The following FADS1 variants were observed in gnomAD, a reference collection of about 807,000 sequenced individuals.
The protein encoded by FADS1 is acyl-CoA (8-3)-desaturase.
In FADS1, 17 loss-of-function variants were observed where a neutral mutation model predicts 61.6. The ratio of observed to expected loss-of-function variants is 0.28; its 90% CI spans 0.19 to 0.41. The LOEUF (loss-of-function observed/expected upper bound fraction) is 0.41, where lower values mean the gene tolerates loss of function less well. Ranked by LOEUF, FADS1 falls within the 10% of genes least tolerant of loss-of-function variation. The pLI is 1.00. For synonymous variants in FADS1, 238 were observed against 258.7 expected (o/e 0.92, Z 0.77); for missense variants, 387 against 650.9 (o/e 0.59, Z 4.41).
chr11:61,806,264 C>T (rs981147785), intron 6 of FADS1: 5 of 164,274 alleles, frequency 3.0e-5, no homozygotes, highest in Non-Finnish European at 6.7e-5. Flanking sequence ...GGCGTGAACC[C>T]GGGAAGCGGA....
chr11:61,804,986 C>T lies in FADS1; in HGVS notation c.977-225G>A, dbSNP rs368437672. 39 of 578,158 alleles carry T rather than the reference C, an allele frequency of 6.7e-5. 1 individual carries two copies. Among genetic ancestry groups the T allele is most frequent in the East Asian group, 5.1e-4 (18 of 35,034 alleles). The allele number at this position is 578,158 out of a possible 1,614,324, so 35.8% of individuals were successfully genotyped here. On this transcript the variant is annotated intron_variant, in intron 6 of 11. Transcript: ENST00000350997. ...AAGGCAAAAACTCCCAAGAGGATGC[C>T]AGGGAAGGTGAGGGGTGCGAGTGGC...
chr11:61,805,030 C>T (rs1197897719), intron 6 of FADS1: 1 of 541,354 alleles, frequency 1.8e-6, no homozygotes, highest in Non-Finnish European at 3.3e-6. Flanking sequence ...GTGACAGGTG[C>T]TTGGGAACTC....
rs1054739314 is a variant in FADS1, at chr11:61,800,197, T to G, written c.*2214A>C. ...ACTCCTCAATTCTAAGTTTTTGTTG[T>G]TTTTTTTTTTTTTGAGACAGGGTCT... On this transcript the variant is annotated 3_prime_UTR_variant, in exon 12 of 12. Transcript: ENST00000350997. 20 of 138,784 alleles carry G rather than the reference T, an allele frequency of 1.4e-4. No homozygotes were observed. The highest frequency in any genetic ancestry group is 2.8e-4 in the Non-Finnish European group (18 of 64,290). The allele number at this position is 138,784 out of a possible 1,614,324, so 8.6% of individuals were successfully genotyped here.
Position 61,803,270 on chromosome 11 carries a change from T to A in FADS1, c.1248+93A>T. The A allele has an allele frequency of 7.8e-7, 1 of 1,282,212 alleles. No individual in the cohort carries two copies. The highest frequency in any genetic ancestry group is 1.1e-6 in the Non-Finnish European group (1 of 878,104). 79.4% of individuals were successfully genotyped at this position (1,282,212 alleles called of 1,614,324 possible). A position where few individuals can be genotyped will look rare whatever the true frequency, so the allele number is the denominator to read the frequency against. ...GAGCCTCAGGCTAATGAGAAAATGC[T>A]GTTTGGGGGACTTTTTGTTTTTGCT... is the stretch of plus-strand genomic sequence containing the variant. On this transcript the variant is annotated intron_variant, in intron 9 of 11. Coordinates refer to ENST00000350997, the MANE Select transcript of FADS1 (RefSeq NM_013402.7). This position sits in a 1 kb window ranked among gnomAD's most constrained non-coding sequence, Gnocchi z 4.3.
Position 61,811,074 on chromosome 11 carries a change from G to A in FADS1, c.686C>T (p.Ala229Val). 1 of 1,611,906 alleles carries A rather than the reference G, an allele frequency of 6.2e-7. No homozygotes were observed. Among genetic ancestry groups the A allele is most frequent in the Non-Finnish European group, 8.5e-7 (1 of 1,179,644 alleles). The part of the protein sequence containing the change: ...LCAVLLSAVQ[A>V]QAGWLQHDFG... Reference sequence around the variant, plus strand: ...GTCATGCTGCAGCCAGCCAGCCTGGGCCTAGGTGAGAAGAGTCAACACTGA... The same window carrying A: ...GTCATGCTGCAGCCAGCCAGCCTGGACCTAGGTGAGAAGAGTCAACACTGA... Residue 229 changes from alanine to valine, a missense_variant and splice_region_variant, in exon 4 of 12, where the codon GCC becomes GTC. Ala to Val is a moderately conservative substitution (Grantham distance 64). Coordinates refer to ENST00000350997, the MANE Select transcript of FADS1 (RefSeq NM_013402.7).
At chr11:61,806,318 C>T (rs1313080310) in intron 6 of FADS1, 4 of 208,310 alleles carry the variant, frequency 1.9e-5, no homozygotes, top group South Asian at 9.0e-5. Flanking sequence ...GTCCGCAGTC[C>T]GGCCTGGGCG....
At chr11:61,811,931 G>A in intron 3 of FADS1, 1 of 407,702 alleles carries the variant, frequency 2.5e-6, no homozygotes, top group Non-Finnish European at 5.0e-6. Flanking sequence ...GGCCAGGCTG[G>A]TCTTGAACTG....
At chr11:61,811,629 G>C (rs532560733) in intron 3 of FADS1, among the ~76,000 whole-genome samples, 6 of 150,206 alleles carry the variant, frequency 4.0e-5, no homozygotes, top group Admixed American at 4.0e-4. Flanking sequence ...TCGCTCTGTT[G>C]CCCAGGCTGG....
At position 61,816,068 on chromosome 11, in the gene FADS1, TC is replaced by T; in HGVS notation, c.375+486del. 1.7e-6 allele frequency: 1 copy of T among 598,108 alleles called. No individual in the cohort carries two copies. Among genetic ancestry groups the T allele is most frequent in the East Asian group, 2.8e-5 (1 of 35,484 alleles). 37.1% of individuals were successfully genotyped at this position (598,108 alleles called of 1,614,324 possible). On this transcript the variant is annotated intron_variant, in intron 1 of 11. Coordinates refer to ENST00000350997, the MANE Select transcript of FADS1 (RefSeq NM_013402.7). This position sits in a 1 kb window ranked among gnomAD's most constrained non-coding sequence, Gnocchi z 7.0. ...CCTCGAGAATGGGCTCCTTTCCTGCTCCCTCTCCGCTCCTGCTGGCGAGTGG... is the reference window on the plus strand; with the variant it reads ...CCTCGAGAATGGGCTCCTTTCCTGCTCCTCTCCGCTCCTGCTGGCGAGTGG...
intron 1 of FADS1, chr11:61,814,149 G>A (rs1196518316): frequency 6.6e-6 from 1 of 152,482 alleles, no homozygotes; most frequent in Non-Finnish European, 1.5e-5. Context: ...CACCGCGAAG[G>A]TTCATGGCTT....
In FADS1 at chr11:61,802,829, G is replaced by T; in HGVS notation, c.1426C>A (p.Leu476Met). 6.2e-7 allele frequency: 1 copy of T among 1,614,250 alleles called. No homozygotes were observed. Among genetic ancestry groups the T allele is most frequent in the Middle Eastern group, 1.6e-4 (1 of 6,062 alleles). The change falls in exon 11 of 12, where the codon CTG becomes ATG. Residue 476 changes from leucine to methionine, a missense_variant. Physicochemically the swap from Leu to Met is conservative, Grantham distance 15 (BLOSUM62 2). Around this residue, in one of 2 missense-constraint regions of FADS1, gnomAD observed 257 missense variants for 533.3 expected, o/e 0.48. Transcript: ENST00000350997. This position sits in a 1 kb window ranked among gnomAD's most constrained non-coding sequence, Gnocchi z 4.2. ...KHGIEYQSKP[L>M]LSAFADIIHS... is the part of the protein sequence containing the mutation. Reference sequence around the variant, plus strand: ...ATGATGTCGGCGAAGGCTGACAGCAGGGGCTTGGACTGGTACTCTATGCCA... The same window carrying T: ...ATGATGTCGGCGAAGGCTGACAGCATGGGCTTGGACTGGTACTCTATGCCA...
chr11:61,813,221 C>A (rs1278553388), intron 2 of FADS1, 22 bp downstream of exon 2: 4 of 1,431,430 alleles, frequency 2.8e-6, no homozygotes, highest in Admixed American at 1.7e-5. Flanking sequence ...ATAGTTGCGA[C>A]ATAGCAAACA....
At position 61,816,537 on chromosome 11, in the gene FADS1, C is replaced by T. The variant is rs1177864969; in HGVS notation, c.375+18G>A. The T allele has an allele frequency of 3.1e-6, 5 of 1,598,292 alleles. No individual in the cohort carries two copies. The highest frequency in any genetic ancestry group is 1.7e-5 in the Admixed American group (1 of 57,474). ...TCCGGTCCCGCCCTCTCCTGTGCCC[C>T]CGCCTGGCTGCGCTCACCGTGGCAT... On this transcript the variant is annotated intron_variant, in intron 1 of 11. Coordinates refer to ENST00000350997, the MANE Select transcript of FADS1 (RefSeq NM_013402.7). This position sits in a 1 kb window ranked among gnomAD's most constrained non-coding sequence, Gnocchi z 7.0.
At chr11:61,811,666 T>G (rs1402282794) in intron 3 of FADS1, among the ~76,000 whole-genome samples, 2 of 151,646 alleles carry the variant, frequency 1.3e-5, no homozygotes, top group Non-Finnish European at 2.9e-5. Context: ...CTCGGCTCAC[T>G]GCAACCTTCG....
rs2066894956 is a variant in FADS1, at chr11:61,806,382, A to G, written c.976+282T>C. The G allele has an allele frequency of 6.6e-6, 3 of 454,166 alleles. No homozygotes were observed. In the East Asian group the frequency reaches 1.1e-4, roughly 16 times the overall value. The allele number at this position is 454,166 out of a possible 1,614,324, so 28.1% of individuals were successfully genotyped here. A position where few individuals can be genotyped will look rare whatever the true frequency, so the allele number is the denominator to read the frequency against. On this transcript the variant is annotated intron_variant, in intron 6 of 11. Transcript: ENST00000350997. ...AAAAAAAAAGATAAGGTTGAGGATA[A>G]AGCAAGAGGCCCCTCTACACCCCAA...
At chr11:61,812,772 G>T in intron 2 of FADS1, 104 bp from the exon 3 acceptor site, 1 of 1,020,052 alleles carries the variant, frequency 9.8e-7, no homozygotes, top group Non-Finnish European at 1.5e-6. Flanking sequence ...AGGTAGCTGT[G>T]GGAAGTCCAC....
In FADS1 at chr11:61,803,822, C is replaced by T; in HGVS notation, c.1054-55G>A. 5 of 1,313,340 alleles carry T rather than the reference C, an allele frequency of 3.8e-6. No homozygotes were observed. Among genetic ancestry groups the T allele is most frequent in the Non-Finnish European group, 5.5e-6 (5 of 907,952 alleles). 81.4% of individuals were successfully genotyped at this position (1,313,340 alleles called of 1,614,324 possible). A position where few individuals can be genotyped will look rare whatever the true frequency, so the allele number is the denominator to read the frequency against. ...GTCACGAACAACTCTTCCTCTTCCT[C>T]TCAGCAGCTCTTTGTTTGCATGGTG... On this transcript the variant is annotated intron_variant, in intron 7 of 11. Transcript: ENST00000350997. The surrounding 1 kb of genome is among the most constrained non-coding windows in gnomAD (Gnocchi z 4.3).
rs759250921 is a variant in FADS1 at position 61,804,682 on chromosome 11, C to T, written c.1053+3G>A. ...GTGGGCTTCTTGGGCCATGGATACT[C>T]ACCACCCACTTCTTTCGCTGGATAA... On this transcript the variant is annotated splice_donor_region_variant and intron_variant, in intron 7 of 11. Transcript: ENST00000350997. 7.4e-6 allele frequency: 12 copies of T among 1,613,554 alleles called. No individual in the cohort carries two copies. Among genetic ancestry groups the T allele is most frequent in the Non-Finnish European group, 9.3e-6 (11 of 1,179,482 alleles).
rs532703208 is a variant in FADS1 at position 61,802,404 on chromosome 11, G to C, written c.*7C>G. The C allele has an allele frequency of 1.0e-5, 16 of 1,566,074 alleles. No homozygotes were observed. In the South Asian group the frequency reaches 1.6e-4, roughly 16 times the overall value. On this transcript the variant is annotated 3_prime_UTR_variant, in exon 12 of 12. Coordinates refer to ENST00000350997, the MANE Select transcript of FADS1 (RefSeq NM_013402.7). This position sits in a 1 kb window ranked among gnomAD's most constrained non-coding sequence, Gnocchi z 4.2. ...CTCTTCTTCCAGACTGGGCAGGGTG[G>C]CTGTTGTTATTGGTGAAGATAGGCA...
Sources: gnomAD v4.1 joint callset for allele counts (sites outside exome capture counted in the v4.1 genomes callset) on GRCh38, gnomAD v4.1.1 for gene constraint, gnomAD v4.1.1 regional missense constraint, Gnocchi (gnomAD v3.1) non-coding constraint, MANE v1.5 for transcripts, NCBI Gene and HGNC (gene_info 2026-07-23, HGNC 2026-07-21) for gene names.